The following PCDHGA2 variants were observed in gnomAD, a reference collection of about 807,000 sequenced individuals.
PCDHGA2 encodes protocadherin gamma subfamily A, 2, also known as protocadherin gamma-A2.
Under a neutral mutation model 59.2 loss-of-function variants are expected in PCDHGA2, and 40 were observed. The observed-to-expected ratio is 0.68, with a 90% CI of 0.52 to 0.88. The LOEUF (loss-of-function observed/expected upper bound fraction) is 0.88. Ranked by LOEUF, PCDHGA2 falls within the 40% of genes least tolerant of loss-of-function variation. The pLI is 0.00. For synonymous variants in PCDHGA2, 560 were observed against 526.0 expected (o/e 1.06, Z -0.89); for missense variants, 1,226 against 1,204.0 (o/e 1.02, Z -0.27).
chr5:141,415,119 G>A, intron 1 of PCDHGA2: 1 of 1,613,666 alleles, frequency 6.2e-7, no homozygotes, highest in African/African-American at 1.3e-5. Flanking sequence ...GCCTCGTAGT[G>A]GCCGTCCAGG....
intron 1 of PCDHGA2, among the ~76,000 whole-genome samples, chr5:141,445,793 CAG>C (rs1466260011): frequency 6.6e-6 from 1 of 152,132 alleles, no homozygotes; most frequent in Admixed American, 6.5e-5. Context: ...AGGCTAGAAA[CAG>C]AAAATAAATA....
At chr5:141,397,753 A>G (rs1052800196) in intron 1 of PCDHGA2, among the ~76,000 whole-genome samples, 9 of 152,266 alleles carry the variant, frequency 5.9e-5, no homozygotes, top group African/African-American at 9.6e-5. Flanking sequence ...AGAAGTTGTT[A>G]TAATTTTTTA....
chr5:141,399,569 G>A (rs1192197329), intron 1 of PCDHGA2: 1 of 1,613,888 alleles, frequency 6.2e-7, no homozygotes, highest in Non-Finnish European at 8.5e-7. Context: ...GGGTTGAACG[G>A]CCAAGTCTCC....
chr5:141,447,681 C>T (rs2098548531), intron 1 of PCDHGA2, among the ~76,000 whole-genome samples: 1 of 152,066 alleles, frequency 6.6e-6, no homozygotes, highest in African/African-American at 2.4e-5. Flanking sequence ...TGTTCCATAT[C>T]TTGATAGAGG....
chr5:141,441,057 A>T (rs2098222263), intron 1 of PCDHGA2: 2 of 152,152 alleles, frequency 1.3e-5, no homozygotes, highest in South Asian at 4.1e-4. Flanking sequence ...ACTTTTAAAG[A>T]TTTTTAATTT....
chr5:141,463,644 G>C (rs1356692609), intron 1 of PCDHGA2, among the ~76,000 whole-genome samples: 1 of 151,596 alleles, frequency 6.6e-6, no homozygotes, highest in Non-Finnish European at 1.5e-5. Context: ...GTAGAGACGG[G>C]GTTTCACCGT....
intron 2 of PCDHGA2, among the ~76,000 whole-genome samples, chr5:141,496,180 GC>G (rs1054381604): frequency 1.4e-4 from 21 of 151,922 alleles, no homozygotes; most frequent in Non-Finnish European, 2.9e-4. Flanking sequence ...CATCCAAGCA[GC>G]CCCAGCTGCT....
chr5:141,372,161 C>T lies in PCDHGA2; in HGVS notation c.2424+30766C>T, dbSNP rs777425940. 5.6e-6 allele frequency: 9 copies of T among 1,613,776 alleles called. No individual in the cohort carries two copies. The Middle Eastern group carries it at 5.0e-4, about 89-fold the overall frequency. On this transcript the variant is annotated intron_variant, in intron 1 of 3. Transcript: ENST00000394576. Reference sequence around the variant, plus strand: ...CTGCAGAGCCTGGCTACCTGGTGACCAAGGTGGTGGCGGTGGACGCAGACT... The same window carrying T: ...CTGCAGAGCCTGGCTACCTGGTGACTAAGGTGGTGGCGGTGGACGCAGACT...
rs1317699369 is a variant in PCDHGA2 at position 141,477,408 on chromosome 5, A to G, written c.2425-17399A>G. The G allele has an allele frequency of 6.2e-7, 1 of 1,614,098 alleles. No homozygotes were observed. ...TACAACCTCAGCATCACCGCCCGAG[A>G]CGCCGGAACCCCTTCCCTCTCAGCC... On this transcript the variant is annotated intron_variant, in intron 1 of 3. Transcript: ENST00000394576. This position sits in a 1 kb window ranked among gnomAD's most constrained non-coding sequence, Gnocchi z 4.9.
rs749590670 is a variant in PCDHGA2, at chr5:141,415,328, A to T, written c.2424+73933A>T. 7.9e-5 allele frequency: 127 copies of T among 1,614,184 alleles called. No individual in the cohort carries two copies. The Admixed American group carries it at 1.9e-3, about 24-fold the overall frequency. ...GCCTTCGTCATCGTGCTGCTGGCGC[A>T]CAGGCTGCGGCGCTGGCACAAGTCA... On this transcript the variant is annotated intron_variant, in intron 1 of 3. Transcript: ENST00000394576.
At chr5:141,389,404 C>T in intron 1 of PCDHGA2, 3 of 1,613,616 alleles carry the variant, frequency 1.9e-6, no homozygotes, top group Non-Finnish European at 2.5e-6. Context: ...TCCATAAGCG[C>T]GGAGAGCGGG....
chr5:141,375,981 T>A, intron 1 of PCDHGA2: 1 of 1,613,410 alleles, frequency 6.2e-7, no homozygotes, highest in Non-Finnish European at 8.5e-7. Flanking sequence ...CGCGCCCTGC[T>A]GGACAGAGAC....
At chr5:141,355,249 T>G in intron 1 of PCDHGA2, 1 of 1,613,288 alleles carries the variant, frequency 6.2e-7, no homozygotes, top group Non-Finnish European at 8.5e-7. Context: ...GCTCCAGATC[T>G]GCCTTCTCCT....
intron 3 of PCDHGA2, among the ~76,000 whole-genome samples, chr5:141,510,591 A>G (rs1050708244): frequency 6.6e-6 from 1 of 152,176 alleles, no homozygotes; most frequent in Non-Finnish European, 1.5e-5. Flanking sequence ...TACCTGACAT[A>G]CATTTTCTTA....
intron 1 of PCDHGA2, chr5:141,398,796 C>G (rs765198482): frequency 8.1e-6 from 13 of 1,613,920 alleles, no homozygotes; most frequent in Middle Eastern, 1.6e-4. Context: ...CACCCCTAAG[C>G]GGCACCACTG....
intron 1 of PCDHGA2, chr5:141,408,379 G>C: frequency 6.2e-7 from 1 of 1,614,032 alleles, no homozygotes; most frequent in South Asian, 1.1e-5. Context: ...TCAGTGTCCT[G>C]GATGTGTCGG....
At chr5:141,453,351 C>A (rs1210851703) in intron 1 of PCDHGA2, among the ~76,000 whole-genome samples, 2 of 151,738 alleles carry the variant, frequency 1.3e-5, no homozygotes, top group Non-Finnish European at 2.9e-5. Flanking sequence ...CCAGGCTGAC[C>A]CTGAACTCCT....
In PCDHGA2 at chr5:141,345,143, C is replaced by A. The variant is rs774990344; in HGVS notation, c.2424+3748C>A. On this transcript the variant is annotated intron_variant, in intron 1 of 3. Coordinates refer to ENST00000394576, the MANE Select transcript of PCDHGA2 (RefSeq NM_018915.4). Reference sequence around the variant, plus strand: ...TTGGAAGAGAAATTGCTCTTATCGACGTGCATGACCGAGATTCTGGGCAGA... The same window carrying A: ...TTGGAAGAGAAATTGCTCTTATCGAAGTGCATGACCGAGATTCTGGGCAGA... 6.2e-7 allele frequency: 1 copy of A among 1,613,872 alleles called. No homozygotes were observed. The highest frequency in any genetic ancestry group is 8.5e-7 in the Non-Finnish European group (1 of 1,179,880).
intron 1 of PCDHGA2, chr5:141,364,409 G>A: frequency 6.2e-7 from 1 of 1,611,256 alleles, no homozygotes; most frequent in Non-Finnish European, 8.5e-7. Flanking sequence ...GTGCGAGCCA[G>A]GATCCGGGCA....
Sources: allele counts gnomAD v4.1 joint callset (sites outside exome capture counted in the v4.1 genomes callset), GRCh38; gene constraint gnomAD v4.1.1; non-coding constraint Gnocchi (gnomAD v3.1); transcripts MANE v1.5; gene names NCBI Gene and HGNC (gene_info 2026-07-23, HGNC 2026-07-21).